CLSTN2: variants seen among roughly 807,000 people sequenced by gnomAD.
CLSTN2 encodes the protein calsyntenin-2.
Under a neutral mutation model 101.2 loss-of-function variants are expected in CLSTN2, and 48 were observed. That is an observed-to-expected ratio of 0.47 (90% confidence interval 0.38 to 0.60). The LOEUF (loss-of-function observed/expected upper bound fraction) is 0.60. CLSTN2 is among the 20% of genes least tolerant of loss of function. The probability of loss-of-function intolerance (pLI) is 0.00; values close to 1 mark genes in which losing one functional copy is unlikely to be tolerated. For synonymous variants in CLSTN2, 481 were observed against 463.6 expected (o/e 1.04, Z -0.48); for missense variants, 1,160 against 1,238.2 (o/e 0.94, Z 0.95).
chr3:140,516,408 T>C (rs80229513), intron 8 of CLSTN2, among the ~76,000 whole-genome samples: 21 of 152,290 alleles, frequency 1.4e-4, no homozygotes, highest in African/African-American at 4.6e-4. Context: ...CTTTTTTTCA[T>C]AGTTTTTTGT....
At chr3:140,184,669 G>GT (rs1380145335) in intron 2 of CLSTN2, among the ~76,000 whole-genome samples, 2 of 152,130 alleles carry the variant, frequency 1.3e-5, no homozygotes, top group Non-Finnish European at 2.9e-5. Flanking sequence ...ACTAAAGGGC[G>GT]TGGGGGGTAG....
intron 2 of CLSTN2, among the ~76,000 whole-genome samples, chr3:140,366,814 C>G (rs1031942263): frequency 1.8e-4 from 28 of 152,256 alleles, no homozygotes; most frequent in African/African-American, 6.7e-4. Flanking sequence ...TGGATTTTTC[C>G]CTTGTAGCGT....
chr3:139,956,119 A>G (rs1329736494), intron 1 of CLSTN2, among the ~76,000 whole-genome samples: 1 of 152,112 alleles, frequency 6.6e-6, no homozygotes. Context: ...TTTTCCAGTT[A>G]TGGAAACTGA....
At chr3:140,284,371 C>A (rs188550740) in intron 2 of CLSTN2, among the ~76,000 whole-genome samples, 1 of 152,192 alleles carries the variant, frequency 6.6e-6, no homozygotes, top group East Asian at 1.9e-4. Context: ...ACACCATCAC[C>A]CTTAGCCAGT....
chr3:140,480,517 G>A (rs1189893273), intron 8 of CLSTN2, among the ~76,000 whole-genome samples: 4 of 152,124 alleles, frequency 2.6e-5, no homozygotes, highest in South Asian at 2.1e-4. Context: ...CTGAGGAATC[G>A]CCAACTGACT....
intron 2 of CLSTN2, among the ~76,000 whole-genome samples, chr3:140,336,633 A>C: frequency 6.6e-6 from 1 of 152,232 alleles, no homozygotes; most frequent in African/African-American, 2.4e-5. Flanking sequence ...CCCTCTGCCA[A>C]GCACACAGAC....
intron 8 of CLSTN2, among the ~76,000 whole-genome samples, chr3:140,511,749 G>A (rs1276214296): frequency 8.0e-5 from 12 of 150,530 alleles, no homozygotes; most frequent in Non-Finnish European, 1.8e-4. Flanking sequence ...AGTAGAGATG[G>A]GGTTTCACAA....
chr3:140,520,540 C>G (rs1216921054), intron 8 of CLSTN2, among the ~76,000 whole-genome samples: 1 of 152,180 alleles, frequency 6.6e-6, no homozygotes, highest in African/African-American at 2.4e-5. Flanking sequence ...GCCCCCTGAT[C>G]CAATTACCTC....
At chr3:140,360,497 A>T (rs568502244) in intron 2 of CLSTN2, among the ~76,000 whole-genome samples, 104 of 152,314 alleles carry the variant, frequency 6.8e-4, no homozygotes, top group African/African-American at 2.3e-3. Flanking sequence ...TTGAATAGAA[A>T]CTCAGATGAC....
chr3:140,242,725 T>C (rs2107869275), intron 2 of CLSTN2, among the ~76,000 whole-genome samples: 1 of 152,328 alleles, frequency 6.6e-6, no homozygotes, highest in Middle Eastern at 3.4e-3. Context: ...TTCCCCAGGA[T>C]GCCTGTGTCT....
At chr3:140,025,269 G>T (rs1232285175) in intron 1 of CLSTN2, among the ~76,000 whole-genome samples, 4 of 152,184 alleles carry the variant, frequency 2.6e-5, no homozygotes, top group African/African-American at 9.7e-5. Context: ...AACTAAAGAT[G>T]TGTACATCTA....
chr3:140,561,104 TAATA>T (rs993206142), intron 12 of CLSTN2, among the ~76,000 whole-genome samples: 1 of 152,008 alleles, frequency 6.6e-6, no homozygotes, highest in Admixed American at 6.5e-5. Context: ...ATTTCTGTTT[TAATA>T]AATGTTTTAT....
At chr3:140,218,673 T>G (rs2086232118) in intron 2 of CLSTN2, among the ~76,000 whole-genome samples, 1 of 152,218 alleles carries the variant, frequency 6.6e-6, no homozygotes, top group Non-Finnish European at 1.5e-5. Flanking sequence ...TTTGGACCAA[T>G]TAAGCTCTCA....
intron 2 of CLSTN2, among the ~76,000 whole-genome samples, chr3:140,230,189 G>A (rs577047630): frequency 6.6e-6 from 1 of 152,212 alleles, no homozygotes; most frequent in East Asian, 1.9e-4. Flanking sequence ...GGCCGTTTTG[G>A]CATGGTTGCT....
chr3:140,068,443 C>G lies in CLSTN2; in HGVS notation c.110-107508C>G, dbSNP rs2008335713. On this transcript the variant is annotated intron_variant, in intron 1 of 16. Coordinates refer to ENST00000458420, the MANE Select transcript of CLSTN2 (RefSeq NM_022131.3). The stretch of plus-strand genomic sequence containing the variant: ...CTCCTACTCCAGATGGACTCAAACC[C>G]ATGTCTTTGCCTTCTTCTTTCCATG... Among the ~76,000 whole-genome samples the G allele has an allele frequency of 2.0e-5, 3 of 152,218 alleles. No individual in the cohort carries two copies. In the South Asian group the frequency reaches 6.2e-4, roughly 31 times the overall value.
intron 2 of CLSTN2, among the ~76,000 whole-genome samples, chr3:140,246,514 T>G (rs974079718): frequency 2.0e-5 from 3 of 152,212 alleles, no homozygotes; most frequent in Non-Finnish European, 4.4e-5. Flanking sequence ...AGTTATTTCA[T>G]GTTCCTAGGC....
chr3:139,966,003 G>T (rs1935592121), intron 1 of CLSTN2, among the ~76,000 whole-genome samples: 1 of 152,166 alleles, frequency 6.6e-6, no homozygotes. Flanking sequence ...CTAGCCAATG[G>T]AACACAGCCA....
chr3:140,129,315 C>T (rs1324032325), intron 1 of CLSTN2, among the ~76,000 whole-genome samples: 1 of 152,076 alleles, frequency 6.6e-6, no homozygotes, highest in Non-Finnish European at 1.5e-5. Flanking sequence ...GTAGGTACTC[C>T]TTGTCAGTAG....
At chr3:140,486,085 C>A (rs147463960) in intron 8 of CLSTN2, among the ~76,000 whole-genome samples, 1 of 151,712 alleles carries the variant, frequency 6.6e-6, no homozygotes, top group Non-Finnish European at 1.5e-5. Context: ...GCCGTCTTGG[C>A]TCCACCCCAC....
Sources: allele counts gnomAD v4.1 joint callset (sites outside exome capture counted in the v4.1 genomes callset), GRCh38; gene constraint gnomAD v4.1.1; transcripts MANE v1.5; gene names NCBI Gene and HGNC (gene_info 2026-07-23, HGNC 2026-07-21).